NDNF: variants seen among roughly 807,000 people sequenced by gnomAD.
The protein encoded by NDNF is protein NDNF.
Under a neutral mutation model 42.0 loss-of-function variants are expected in NDNF, and 16 were observed. The observed-to-expected ratio is 0.38, with a 90% CI of 0.26 to 0.58. The LOEUF (loss-of-function observed/expected upper bound fraction) is 0.58, where lower values mean the gene tolerates loss of function less well. Ranked by LOEUF, NDNF falls within the 20% of genes least tolerant of loss-of-function variation. The pLI, the probability that NDNF is intolerant of heterozygous loss-of-function variation, is 0.67. For missense variants in NDNF, 616 were observed against 666.2 expected (o/e 0.92, Z 0.83); for synonymous variants, 248 against 251.7 (o/e 0.99, Z 0.14).
rs1351003033 is a variant in NDNF at position 121,040,031 on chromosome 4, T to C, written c.212A>G (p.Asp71Gly). ...CACTGTGACTGATAATGGAGTATTG[T>C]CTTCTTCAACCACAAAGAAATACCT... Reference protein sequence around the residue: ...PKRYFFVVEEDNTPLSVTVTP... With the variant: ...PKRYFFVVEEGNTPLSVTVTP... The change falls in exon 3 of 4, where the codon GAC (aspartate) becomes GGC (glycine). Residue 71 changes from aspartate to glycine, a missense_variant. Physicochemically the swap from Asp to Gly is moderately conservative, Grantham distance 94. Transcript: ENST00000379692. The C allele has an allele frequency of 6.2e-7, 1 of 1,613,794 alleles. No individual in the cohort carries two copies. Among genetic ancestry groups the C allele is most frequent in the Non-Finnish European group, 8.5e-7 (1 of 1,179,870 alleles).
At chr4:121,039,176 C>CGTATA (rs1726940442) in intron 3 of NDNF, among the ~76,000 whole-genome samples, 7 of 13,368 alleles carry the variant, frequency 5.2e-4, no homozygotes, top group Non-Finnish European at 2.0e-3. Flanking sequence ...TATATAAAGA[C>CGTATA]TATGTGTGTG....
At chr4:121,046,981 G>A (rs115537131) in intron 1 of NDNF, among the ~76,000 whole-genome samples, 1,822 of 152,190 alleles carry the variant, frequency 0.012, 38 homozygotes, top group African/African-American at 0.041. Context: ...ATACATCAGG[G>A]AATTAAAGCA....
rs893221711 is a variant in NDNF, at chr4:121,036,983, T to C, written c.988A>G (p.Thr330Ala). 1 of 1,614,020 alleles carries C rather than the reference T, an allele frequency of 6.2e-7. No homozygotes were observed. Among genetic ancestry groups the C allele is most frequent in the Admixed American group, 1.7e-5 (1 of 60,000 alleles). The change falls in exon 4 of 4, where the codon ACC (threonine) becomes GCC (alanine). Residue 330 changes from threonine (T) to alanine (A), a missense_variant. By Grantham distance (58) the Thr-to-Ala change is moderately conservative (BLOSUM62 0). Coordinates refer to ENST00000379692, the MANE Select transcript of NDNF (RefSeq NM_024574.4). ...NSNMSTAYVG[T>A]FARTKEEAKQ... ...GCTTCTTCCTTGGTCCTGGCAAAGG[T>C]ACCTACATAAGCGGTGCTCATGTTG...
chr4:121,053,955 C>T (rs796113796), intron 1 of NDNF, among the ~76,000 whole-genome samples: 24 of 152,282 alleles, frequency 1.6e-4, no homozygotes, highest in African/African-American at 4.3e-4. Flanking sequence ...CATGGCAGCG[C>T]GCCAGTAGCA....
At chr4:121,039,192 GTATATATATATATATATATATATATA>G (rs57613027) in intron 3 of NDNF, among the ~76,000 whole-genome samples, 3 of 21,558 alleles carry the variant, frequency 1.4e-4, no homozygotes, top group African/African-American at 3.0e-4. Context: ...GTGTGTGTGT[GTATATATATATATATATATATATATA>G]TATATATATA....
intron 1 of NDNF, among the ~76,000 whole-genome samples, chr4:121,058,066 G>C (rs778861671): frequency 3.3e-5 from 5 of 152,020 alleles, no homozygotes; most frequent in Non-Finnish European, 7.4e-5. Context: ...TCTTCATGGG[G>C]CTTATATAAC....
intron 1 of NDNF, among the ~76,000 whole-genome samples, chr4:121,055,453 A>G (rs1159927101): frequency 6.6e-6 from 1 of 152,214 alleles, no homozygotes; most frequent in African/African-American, 2.4e-5. Flanking sequence ...AGGAACGTGC[A>G]TATGATAAAA....
At chr4:121,051,013 C>G (rs1560606748) in intron 1 of NDNF, among the ~76,000 whole-genome samples, 1 of 152,088 alleles carries the variant, frequency 6.6e-6, no homozygotes, top group East Asian at 1.9e-4. Context: ...TATACACACA[C>G]ATATTTTTAG....
chr4:121,057,082 A>C (rs536692565), intron 1 of NDNF, among the ~76,000 whole-genome samples: 45 of 152,332 alleles, frequency 3.0e-4, no homozygotes, highest in African/African-American at 1.1e-3. Flanking sequence ...GCTTATACTC[A>C]GTGGATAAGA....
intron 1 of NDNF, among the ~76,000 whole-genome samples, chr4:121,046,974 C>T (rs913931775): frequency 1.3e-5 from 2 of 152,058 alleles, no homozygotes; most frequent in Non-Finnish European, 2.9e-5. Flanking sequence ...ACTTAACATA[C>T]ATCAGGGAAT....
At chr4:121,043,555 A>G (rs888665411) in intron 2 of NDNF, among the ~76,000 whole-genome samples, 1 of 152,190 alleles carries the variant, frequency 6.6e-6, no homozygotes, top group Non-Finnish European at 1.5e-5. Context: ...AGAAATAAAA[A>G]GAGAAAATGT....
chr4:121,051,328 T>C (rs1021662621), intron 1 of NDNF, among the ~76,000 whole-genome samples: 7 of 152,152 alleles, frequency 4.6e-5, no homozygotes, highest in East Asian at 3.9e-4. Flanking sequence ...GAGCACATGA[T>C]GGATAATTGA....
chr4:121,071,430 C>A (rs1042929688), intron 1 of NDNF: 1 of 152,256 alleles, frequency 6.6e-6, no homozygotes, highest in Non-Finnish European at 1.5e-5. Context: ...CAGACGCCCA[C>A]CAAGAACTCG....
Position 121,036,333 on chromosome 4 carries a change from A to G in NDNF, c.1638T>C (p.Tyr546=). 6.2e-7 allele frequency: 1 copy of G among 1,614,158 alleles called. No homozygotes were observed. ...QPGKSYLLDV[Y]VIGHGGHSVK... ...CAGAGTGCCCCCCATGTCCTATGACATAAACATCCAGCAGGTAAGATTTGC... is the reference window on the plus strand; with the variant it reads ...CAGAGTGCCCCCCATGTCCTATGACGTAAACATCCAGCAGGTAAGATTTGC... The change falls in exon 4 of 4, where the codon TAT becomes TAC. Residue 546 remains tyrosine, a synonymous_variant. Transcript: ENST00000379692.
intron 1 of NDNF, among the ~76,000 whole-genome samples, chr4:121,065,338 C>T (rs1352067086): frequency 6.7e-6 from 1 of 150,274 alleles, no homozygotes; most frequent in Non-Finnish European, 1.5e-5. Flanking sequence ...CACAATGAGG[C>T]AAGGAGGGCA....
At chr4:121,061,659 C>T (rs1365871917) in intron 1 of NDNF, among the ~76,000 whole-genome samples, 1 of 152,040 alleles carries the variant, frequency 6.6e-6, no homozygotes, top group African/African-American at 2.4e-5. Context: ...TTCTTTACTC[C>T]CCCACCATCC....
intron 2 of NDNF, among the ~76,000 whole-genome samples, chr4:121,045,175 A>AC (rs1727067032): frequency 6.6e-6 from 1 of 151,698 alleles, no homozygotes; most frequent in South Asian, 2.1e-4. Flanking sequence ...ACATGGTGAA[A>AC]CCCCGTCTCT....
At chr4:121,056,571 C>A (rs892839813) in intron 1 of NDNF, among the ~76,000 whole-genome samples, 9 of 152,214 alleles carry the variant, frequency 5.9e-5, no homozygotes, top group African/African-American at 2.2e-4. Context: ...AATACTACAG[C>A]AAGAAAAAAA....
chr4:121,058,793 C>CA (rs1277592647), intron 1 of NDNF, among the ~76,000 whole-genome samples: 1 of 152,168 alleles, frequency 6.6e-6, no homozygotes, highest in East Asian at 1.9e-4. Context: ...TAACTGCTCT[C>CA]ATACCCATTT....
Sources: allele counts gnomAD v4.1 joint callset (sites outside exome capture counted in the v4.1 genomes callset), GRCh38; gene constraint gnomAD v4.1.1; transcripts MANE v1.5; gene names NCBI Gene and HGNC (gene_info 2026-07-23, HGNC 2026-07-21).